The following ALDH7A1 variants were observed in gnomAD, a reference collection of about 807,000 sequenced individuals.
ALDH7A1 encodes the protein alpha-aminoadipic semialdehyde dehydrogenase.
Under a neutral mutation model 79.9 loss-of-function variants are expected in ALDH7A1, and 63 were observed. That is an observed-to-expected ratio of 0.79 (90% CI 0.64 to 0.97). The LOEUF is 0.97. ALDH7A1 is among the 50% of genes least tolerant of loss of function. ALDH7A1 has a pLI of 0.00. For synonymous variants in ALDH7A1, 240 were observed against 231.2 expected (o/e 1.04, Z -0.34); for missense variants, 627 against 665.2 (o/e 0.94, Z 0.63).
chr5:126,594,554 C>A (rs1413220148), intron 1 of ALDH7A1: 4 of 286,652 alleles, frequency 1.4e-5, no homozygotes, highest in Non-Finnish European at 2.7e-5. Context: ...AAGCGATTCT[C>A]CTGCCTCAGC....
At position 126,568,301 on chromosome 5, in the gene ALDH7A1, G is replaced by C. The variant is rs369271104; in HGVS notation, c.829C>G (p.Gln277Glu). The C allele has an allele frequency of 6.2e-7, 1 of 1,614,006 alleles. No homozygotes were observed. Among genetic ancestry groups the C allele is most frequent in the Non-Finnish European group, 8.5e-7 (1 of 1,180,006 alleles). ...VNLLSFTGST[Q>E]VGKQVGLMVQ... is the part of the protein sequence containing the mutation. ...ATCAGGCCCACCTGTTTTCCCACCT[G>C]AGTGCTCCCAGTGAAGGACAGCAGG... The change falls in exon 9 of 18, where the codon CAG becomes GAG. Residue 277 changes from glutamine (Q) to glutamate (E), a missense_variant. Physicochemically the swap from Gln to Glu is conservative, Grantham distance 29. Transcript: ENST00000409134.
chr5:126,562,439 G>A (rs1014060769), intron 9 of ALDH7A1: 4 of 151,786 alleles, frequency 2.6e-5, no homozygotes, highest in African/African-American at 9.7e-5. Context: ...TCGGACTCCT[G>A]AGCTCAAGAG....
At chr5:126,569,760 G>T (rs1480534448) in intron 8 of ALDH7A1, 1 of 152,188 alleles carries the variant, frequency 6.6e-6, no homozygotes, top group Admixed American at 6.5e-5. Flanking sequence ...TGTGGGAGTT[G>T]TATTTCTAAA....
intron 5 of ALDH7A1, 35 bp from the exon 6 acceptor site, chr5:126,577,246 A>G: frequency 6.2e-7 from 1 of 1,612,766 alleles, no homozygotes; most frequent in Non-Finnish European, 8.5e-7. Flanking sequence ...ATGCAGAAGC[A>G]TGTTAATTTA....
chr5:126,574,982 A>C (rs1750916356), intron 7 of ALDH7A1, among the ~76,000 whole-genome samples: 1 of 152,208 alleles, frequency 6.6e-6, no homozygotes, highest in Admixed American at 6.5e-5. Flanking sequence ...GATGCGATAC[A>C]TTTTAGTGTT....
At chr5:126,545,881 G>T (rs903504833) in intron 17 of ALDH7A1, among the ~76,000 whole-genome samples, 21 of 150,430 alleles carry the variant, frequency 1.4e-4, no homozygotes, top group African/African-American at 4.9e-4. Flanking sequence ...GAGAGGCCGA[G>T]GCAGGCAGAT....
chr5:126,574,553 G>A (rs1750900393), intron 7 of ALDH7A1, among the ~76,000 whole-genome samples: 1 of 151,152 alleles, frequency 6.6e-6, no homozygotes, highest in East Asian at 1.9e-4. Context: ...AAATTAGCTG[G>A]GTGTGGTGGT....
chr5:126,595,105 G>T lies in ALDH7A1; in HGVS notation c.94C>A (p.Leu32Ile). The change falls in exon 1 of 18, where the codon CTC (leucine) becomes ATC (isoleucine). Residue 32 changes from leucine to isoleucine, a missense_variant. Coordinates refer to ENST00000409134, the MANE Select transcript of ALDH7A1 (RefSeq NM_001182.5). ...WSRPAAFMST[L>I]LINQPQYAWL... ...GCATACTGGGGCTGATTGATGAGGA[G>T]AGTGGACATGAAGGCGGCAGGCCTG... 6.3e-7 allele frequency: 1 copy of T among 1,593,028 alleles called. No homozygotes were observed. The highest frequency in any genetic ancestry group is 1.3e-5 in the African/African-American group (1 of 74,404).
At chr5:126,550,921 A>G (rs1437591519) in intron 14 of ALDH7A1, among the ~76,000 whole-genome samples, 1 of 152,218 alleles carries the variant, frequency 6.6e-6, no homozygotes, top group African/African-American at 2.4e-5. Context: ...TTAATCCTAA[A>G]TATTTACTGG....
chr5:126,594,118 T>C (rs572479930), intron 1 of ALDH7A1: 2 of 434,772 alleles, frequency 4.6e-6, no homozygotes, highest in Non-Finnish European at 9.8e-6. Flanking sequence ...CTTTCCATTG[T>C]ATTCTATAAA....
At chr5:126,592,546 A>G in intron 3 of ALDH7A1, 118 bp downstream of exon 3, 1 of 984,300 alleles carries the variant, frequency 1.0e-6, no homozygotes, top group South Asian at 1.4e-5. Flanking sequence ...CACAGCCCCC[A>G]AGGAGCTCAC....
chr5:126,590,922 T>C (rs1447843201), intron 3 of ALDH7A1, among the ~76,000 whole-genome samples: 6 of 149,534 alleles, frequency 4.0e-5, no homozygotes, highest in Non-Finnish European at 5.9e-5. Context: ...TAGGATGGTA[T>C]GGAATGCAAG....
Position 126,592,749 on chromosome 5 carries a change from G to A in ALDH7A1, c.247-20C>T, listed in dbSNP as rs1167923471. ...ACTGGCCTAAATTAAGAATTAGGGGGACAGAAAGGGGGAAATAAAGAGAAA... is the reference window on the plus strand; with the variant it reads ...ACTGGCCTAAATTAAGAATTAGGGGAACAGAAAGGGGGAAATAAAGAGAAA... On this transcript the variant is annotated intron_variant, in intron 2 of 17. Transcript: ENST00000409134. 2 of 1,602,700 alleles carry A rather than the reference G, an allele frequency of 1.2e-6. No individual in the cohort carries two copies. The highest frequency in any genetic ancestry group is 1.7e-5 in the Admixed American group (1 of 59,988).
chr5:126,589,377 G>A (rs1054311138), intron 3 of ALDH7A1, among the ~76,000 whole-genome samples: 20 of 152,112 alleles, frequency 1.3e-4, no homozygotes, highest in African/African-American at 3.6e-4. Context: ...GGCTGGTCTC[G>A]AACTCCCAAC....
At chr5:126,577,510 C>T (rs1184040256) in intron 5 of ALDH7A1, among the ~76,000 whole-genome samples, 1 of 152,070 alleles carries the variant, frequency 6.6e-6, no homozygotes, top group Non-Finnish European at 1.5e-5. Context: ...TTGATGGGTG[C>T]CCTAGGTGGT....
chr5:126,559,622 G>A (rs1355205220), intron 10 of ALDH7A1, among the ~76,000 whole-genome samples: 2 of 151,912 alleles, frequency 1.3e-5, no homozygotes, highest in African/African-American at 2.4e-5. Context: ...TAGTAGCAAT[G>A]GGGTGTCACC....
At chr5:126,568,794 T>A (rs1159378131) in intron 8 of ALDH7A1, 1 of 224,632 alleles carries the variant, frequency 4.5e-6, no homozygotes, top group Non-Finnish European at 9.0e-6. Flanking sequence ...TAGCCAGGTG[T>A]GGAGGCATGC....
At chr5:126,583,570 C>A (rs1667853409) in intron 4 of ALDH7A1, among the ~76,000 whole-genome samples, 1 of 149,766 alleles carries the variant, frequency 6.7e-6, no homozygotes, top group Non-Finnish European at 1.5e-5. Context: ...GTGTGGTGGC[C>A]CATGCCTATA....
chr5:126,594,445 T>TC (rs1343806522), intron 1 of ALDH7A1: 1 of 290,874 alleles, frequency 3.4e-6, no homozygotes, highest in Admixed American at 4.4e-5. Context: ...TTAATTTTTT[T>TC]TTTTTTTTTT....
Sources: allele counts gnomAD v4.1 joint callset (sites outside exome capture counted in the v4.1 genomes callset), GRCh38; gene constraint gnomAD v4.1.1; transcripts MANE v1.5; gene names NCBI Gene and HGNC (gene_info 2026-07-23, HGNC 2026-07-21).